RPS6KA6: variants seen among roughly 807,000 people sequenced by gnomAD.
RPS6KA6 encodes ribosomal protein S6 kinase alpha-6.
In RPS6KA6, 27 loss-of-function variants were observed where a neutral mutation model predicts 65.4. The observed-to-expected ratio is 0.41, with a 90% CI of 0.30 to 0.57. RPS6KA6 has a LOEUF of 0.57. RPS6KA6 is among the 20% of genes least tolerant of loss of function. The pLI, the probability that RPS6KA6 is intolerant of heterozygous loss-of-function variation, is 0.24. For missense variants in RPS6KA6, 486 were observed against 555.6 expected (o/e 0.87, Z 1.26); for synonymous variants, 190 against 184.2 (o/e 1.03, Z -0.26).
intron 20 of RPS6KA6, among the ~76,000 whole-genome samples, chrX:84,067,447 C>G (rs1175603540): frequency 9.0e-6 from 1 of 111,631 alleles, no homozygotes; most frequent in Admixed American, 9.5e-5. Flanking sequence ...CCTGATGGAG[C>G]TGAAAAACAG....
intron 20 of RPS6KA6, among the ~76,000 whole-genome samples, chrX:84,090,717 G>C (rs1251237477): frequency 9.0e-6 from 1 of 111,574 alleles, no homozygotes; most frequent in Non-Finnish European, 1.9e-5. Flanking sequence ...TTGCCCCCAT[G>C]ATTCAGTTAC....
chrX:84,083,013 A>G (rs902664268), intron 20 of RPS6KA6, among the ~76,000 whole-genome samples: 1 of 112,490 alleles, frequency 8.9e-6, no homozygotes, highest in Admixed American at 9.4e-5. Flanking sequence ...AACCTAGGCA[A>G]TATCATTCAG....
At chrX:84,184,046 TA>T (rs1009307846) in intron 1 of RPS6KA6, among the ~76,000 whole-genome samples, 1 of 112,222 alleles carries the variant, frequency 8.9e-6, no homozygotes, top group Non-Finnish European at 1.9e-5. Context: ...AGAATTTTTT[TA>T]AAAAATTAAA....
At chrX:84,174,192 C>T in intron 1 of RPS6KA6, among the ~76,000 whole-genome samples, 1 of 111,764 alleles carries the variant, frequency 8.9e-6, no homozygotes, top group Middle Eastern at 4.7e-3. Flanking sequence ...TTCCCCAAAA[C>T]ACTTTAATCT....
chrX:84,091,096 AT>A (rs1388168535), intron 20 of RPS6KA6, among the ~76,000 whole-genome samples: 1 of 112,189 alleles, frequency 8.9e-6, no homozygotes, highest in Non-Finnish European at 1.9e-5. Context: ...TATCTGCAAA[AT>A]GATGAGGTGA....
intron 20 of RPS6KA6, among the ~76,000 whole-genome samples, chrX:84,085,724 G>A (rs762369769): frequency 9.0e-6 from 1 of 111,592 alleles, no homozygotes; most frequent in Non-Finnish European, 1.9e-5. Context: ...CCTCCTTTTC[G>A]ATTTTTTGGA....
chrX:84,186,230 G>C, intron 1 of RPS6KA6: 1 of 417,511 alleles, frequency 2.4e-6, no homozygotes, highest in Non-Finnish European at 4.2e-6. Context: ...TACATTCAAA[G>C]TTAACAGAAA....
intron 8 of RPS6KA6, among the ~76,000 whole-genome samples, chrX:84,122,319 C>A (rs1602429252): frequency 9.2e-6 from 1 of 108,490 alleles, no homozygotes; most frequent in South Asian, 4.1e-4. Context: ...CTGGCCTCAG[C>A]CAGCACCCAC....
chrX:84,064,996 C>A lies in RPS6KA6; in HGVS notation c.2087G>T (p.Arg696Ile). 8.3e-7 allele frequency: 1 copy of A among 1,207,907 alleles called. No homozygotes were observed. The highest frequency in any genetic ancestry group is 1.1e-6 in the Non-Finnish European group (1 of 892,674). ...RDQLPNDQPK[R>I]NDVSHVVKGA... ...CTTAACAACATGTGACACATCATTT[C>A]TCTTTGGCTGATCATTTGGCAACTG... The change falls in exon 21 of 22, where the codon AGA becomes ATA. Residue 696 changes from arginine (R) to isoleucine (I), a missense_variant. This residue lies in a region of RPS6KA6 where 345 missense variants were observed against 375.0 expected (regional missense o/e 0.92). Transcript: ENST00000262752.
chrX:84,086,056 CTCTCT>C (rs1302100091), intron 20 of RPS6KA6, among the ~76,000 whole-genome samples: 5 of 111,342 alleles, frequency 4.5e-5, no homozygotes, highest in Admixed American at 9.6e-5. Context: ...TTTGATTCTT[CTCTCT>C]TCTGTCTAGC....
chrX:84,159,327 C>T (rs193289332), intron 2 of RPS6KA6, among the ~76,000 whole-genome samples: 57 of 110,987 alleles, frequency 5.1e-4, no homozygotes, highest in African/African-American at 1.8e-3. Context: ...CTTCCCTCCA[C>T]CTCCCTGTCT....
intron 20 of RPS6KA6, among the ~76,000 whole-genome samples, chrX:84,092,100 C>A (rs1162649160): frequency 9.0e-6 from 1 of 111,064 alleles, no homozygotes; most frequent in East Asian, 2.8e-4. Context: ...GGCTTATTAC[C>A]TAGGTGATGG....
At chrX:84,180,562 A>T (rs2035835892) in intron 1 of RPS6KA6, among the ~76,000 whole-genome samples, 1 of 111,966 alleles carries the variant, frequency 8.9e-6, no homozygotes, top group Admixed American at 9.5e-5. Flanking sequence ...CCAATAGAGT[A>T]ATTCCTTATT....
chrX:84,163,751 C>G (rs1269489902), intron 2 of RPS6KA6, among the ~76,000 whole-genome samples: 5 of 111,176 alleles, frequency 4.5e-5, no homozygotes, highest in Non-Finnish European at 7.5e-5. Flanking sequence ...TCAGATTCTC[C>G]CTACAAATCT....
chrX:84,137,190 A>G (rs756609380), intron 6 of RPS6KA6, among the ~76,000 whole-genome samples: 1 of 111,704 alleles, frequency 9.0e-6, no homozygotes, highest in Non-Finnish European at 1.9e-5. Context: ...GTGTATTTTA[A>G]TACAGTTGAA....
chrX:84,128,163 C>T (rs1331230988), intron 8 of RPS6KA6, among the ~76,000 whole-genome samples: 3 of 111,588 alleles, frequency 2.7e-5, no homozygotes, highest in South Asian at 7.4e-4. Context: ...AGCATTTCTA[C>T]AGGCCGACAG....
intron 18 of RPS6KA6, among the ~76,000 whole-genome samples, chrX:84,101,821 T>A (rs1228849295): frequency 9.0e-6 from 1 of 110,993 alleles, no homozygotes; most frequent in East Asian, 2.8e-4. Context: ...CAGAATAGAA[T>A]AGCCTGATTA....
intron 17 of RPS6KA6, among the ~76,000 whole-genome samples, chrX:84,103,505 C>T (rs5922914): frequency 4.4e-3 from 491 of 111,110 alleles, no homozygotes; most frequent in Non-Finnish European, 7.9e-3. Context: ...AGGACAAGGA[C>T]CAGGTCTCAC....
chrX:84,138,321 C>T (rs765316597), intron 6 of RPS6KA6, among the ~76,000 whole-genome samples: 11 of 110,701 alleles, frequency 9.9e-5, no homozygotes, highest in South Asian at 7.7e-4. Context: ...GGGAGGCCAA[C>T]GCGTGAGGAT....
Sources: allele counts gnomAD v4.1 joint callset (sites outside exome capture counted in the v4.1 genomes callset), GRCh38; gene constraint gnomAD v4.1.1; regional missense constraint gnomAD v4.1.1; transcripts MANE v1.5; gene names NCBI Gene and HGNC (gene_info 2026-07-23, HGNC 2026-07-21).